The following POU6F2 variants were observed in gnomAD, a reference collection of about 807,000 sequenced individuals.
The protein encoded by POU6F2 is POU class 6 homeobox 2, also known as POU domain, class 6, transcription factor 2.
In POU6F2, 31 loss-of-function variants were observed where a neutral mutation model predicts 71.3. The ratio of observed to expected loss-of-function variants is 0.43; its 90% CI spans 0.33 to 0.59. POU6F2 has a LOEUF of 0.59. Ranked by LOEUF, POU6F2 falls within the 20% of genes least tolerant of loss-of-function variation. The pLI is 0.04. For synonymous variants in POU6F2, 347 were observed against 355.7 expected (o/e 0.98, Z 0.27); for missense variants, 783 against 856.8 (o/e 0.91, Z 1.07).
intron 7 of POU6F2, among the ~76,000 whole-genome samples, chr7:39,436,530 G>A (rs1267772940): frequency 1.5e-5 from 2 of 137,112 alleles, no homozygotes; most frequent in South Asian, 2.3e-4. Flanking sequence ...GGGCCGAGAC[G>A]ATGGGGTTTT....
rs570058745 is a variant in POU6F2 at position 39,266,960 on chromosome 7, G to T, written c.598+59340G>T. 4.6e-5 allele frequency among the ~76,000 whole-genome samples: 7 copies of T among 152,186 alleles called. No homozygotes were observed. The South Asian group carries it at 1.2e-3, about 27-fold the overall frequency. On this transcript the variant is annotated intron_variant, in intron 4 of 9. Transcript: ENST00000518318. Reference sequence around the variant, plus strand: ...CAGAACTTATTCCCCCTATGTAGTGGTAACTTTGTACCTGTTGACCAACCT... The same window carrying T: ...CAGAACTTATTCCCCCTATGTAGTGTTAACTTTGTACCTGTTGACCAACCT...
chr7:39,057,366 A>G (rs1034148869), intron 1 of POU6F2, among the ~76,000 whole-genome samples: 1 of 152,106 alleles, frequency 6.6e-6, no homozygotes, highest in Admixed American at 6.5e-5. Context: ...TTTTCTGTTT[A>G]ATTTACATTT....
chr7:39,430,042 G>C (rs374447137), intron 6 of POU6F2, among the ~76,000 whole-genome samples: 6 of 152,262 alleles, frequency 3.9e-5, no homozygotes, highest in South Asian at 4.1e-4. Flanking sequence ...GATTAGATCT[G>C]TGGCCGTGCT....
chr7:39,447,377 T>A (rs899032949), intron 7 of POU6F2, among the ~76,000 whole-genome samples: 1 of 152,152 alleles, frequency 6.6e-6, no homozygotes, highest in African/African-American at 2.4e-5. Flanking sequence ...GACCTGTAAC[T>A]GCTCATCTCC....
chr7:39,372,669 C>T (rs1222148913), intron 5 of POU6F2, among the ~76,000 whole-genome samples: 1 of 152,220 alleles, frequency 6.6e-6, no homozygotes, highest in Non-Finnish European at 1.5e-5. Flanking sequence ...TATTTGATCA[C>T]ACATCTAAGC....
At chr7:39,183,008 ACT>A (rs1793465925) in intron 2 of POU6F2, among the ~76,000 whole-genome samples, 1 of 152,186 alleles carries the variant, frequency 6.6e-6, no homozygotes, top group African/African-American at 2.4e-5. Context: ...CAAGCTGCAG[ACT>A]GGGACCAGTT....
intron 1 of POU6F2, among the ~76,000 whole-genome samples, chr7:39,055,607 C>T (rs1352086243): frequency 6.6e-6 from 1 of 152,074 alleles, no homozygotes. Context: ...CCAATCATGA[C>T]TTCTTTGTTC....
intron 1 of POU6F2, among the ~76,000 whole-genome samples, chr7:39,079,180 C>CTTTTTTTTTTTTTT (rs1162865518): frequency 1.3e-5 from 1 of 79,306 alleles, no homozygotes; most frequent in African/African-American, 5.3e-5. Context: ...CTCACAATAT[C>CTTTTTTTTTTTTTT]TTTTTTTTTT....
chr7:39,036,551 G>A (rs942679460), intron 1 of POU6F2, among the ~76,000 whole-genome samples: 8 of 151,642 alleles, frequency 5.3e-5, no homozygotes, highest in Admixed American at 2.0e-4. Context: ...TAAGACATAT[G>A]CCATTTAAAA....
At chr7:38,985,476 G>T (rs940386581) in intron 1 of POU6F2, among the ~76,000 whole-genome samples, 1 of 151,960 alleles carries the variant, frequency 6.6e-6, no homozygotes, top group African/African-American at 2.4e-5. Context: ...TATCCTTAGG[G>T]TTACAATATT....
intron 2 of POU6F2, among the ~76,000 whole-genome samples, chr7:39,172,392 T>G (rs1203379833): frequency 6.6e-6 from 1 of 152,190 alleles, no homozygotes. Context: ...GAGTAATTCC[T>G]TGGTCACATA....
chr7:39,453,092 C>T (rs535472813), intron 8 of POU6F2, among the ~76,000 whole-genome samples: 1 of 151,908 alleles, frequency 6.6e-6, no homozygotes, highest in African/African-American at 2.4e-5. Context: ...AACTCCATCT[C>T]AAAAAAAGAA....
At chr7:39,403,015 A>G (rs1301627818) in intron 5 of POU6F2, among the ~76,000 whole-genome samples, 2 of 152,124 alleles carry the variant, frequency 1.3e-5, no homozygotes, top group Non-Finnish European at 2.9e-5. Flanking sequence ...TCTCATCCTA[A>G]CCCTGTGTGT....
intron 4 of POU6F2, among the ~76,000 whole-genome samples, chr7:39,224,637 T>C (rs1794428709): frequency 6.6e-6 from 1 of 152,188 alleles, no homozygotes; most frequent in African/African-American, 2.4e-5. Context: ...ATTTATTTAT[T>C]GGTCAAAAGG....
intron 1 of POU6F2, among the ~76,000 whole-genome samples, chr7:39,023,340 A>C (rs1248449801): frequency 6.6e-6 from 1 of 152,020 alleles, no homozygotes; most frequent in Admixed American, 6.6e-5. Context: ...TTTTGATAAC[A>C]TTCATATGCT....
chr7:39,113,186 C>T (rs180902870), intron 2 of POU6F2, among the ~76,000 whole-genome samples: 41 of 152,226 alleles, frequency 2.7e-4, no homozygotes, highest in Admixed American at 9.2e-4. Flanking sequence ...ATCACCATTG[C>T]CTGCAAAAGT....
At position 39,336,499 on chromosome 7, in the gene POU6F2, C is replaced by T. The variant is rs17701379; in HGVS notation, c.599-3143C>T. ...TTCTCTCCTTAGGACCAGGCTTGCA[C>T]CGAGGGGCTGGGATGAGGATGGGTT... On this transcript the variant is annotated intron_variant, in intron 4 of 9. Coordinates refer to ENST00000518318, the MANE Select transcript of POU6F2 (RefSeq NM_001370959.1). Among the ~76,000 whole-genome samples the T allele has an allele frequency of 2.4e-3, 373 of 152,308 alleles. 8 individuals carry two copies. The East Asian group carries it at 0.053, about 21-fold the overall frequency.
chr7:39,309,601 T>C (rs1282088807), intron 4 of POU6F2, among the ~76,000 whole-genome samples: 1 of 152,214 alleles, frequency 6.6e-6, no homozygotes, highest in East Asian at 1.9e-4. Context: ...CTGAAGGGCA[T>C]TTAAAGAAAA....
chr7:39,193,170 A>C (rs1793706018), intron 2 of POU6F2, among the ~76,000 whole-genome samples: 1 of 152,052 alleles, frequency 6.6e-6, no homozygotes, highest in Non-Finnish European at 1.5e-5. Context: ...CTAAACTAAG[A>C]ATGCAGCTGC....
Sources: gnomAD v4.1 joint callset for allele counts (sites outside exome capture counted in the v4.1 genomes callset) on GRCh38, gnomAD v4.1.1 for gene constraint, MANE v1.5 for transcripts, NCBI Gene and HGNC (gene_info 2026-07-23, HGNC 2026-07-21) for gene names.